OLFML2A: variants seen among roughly 807,000 people sequenced by gnomAD.
OLFML2A encodes olfactomedin-like protein 2A.
OLFML2A carries 47 observed loss-of-function variants against 60.9 expected under a neutral mutation model. That is an observed-to-expected ratio of 0.77 (90% CI 0.61 to 0.98). The LOEUF (loss-of-function observed/expected upper bound fraction) is 0.98. Among genes scored for constraint, OLFML2A ranks in the 50% least tolerant of loss-of-function variants. The probability of loss-of-function intolerance (pLI) is 0.00; values close to 1 mark genes in which losing one functional copy is unlikely to be tolerated. For missense variants in OLFML2A, 922 were observed against 879.8 expected (o/e 1.05, Z -0.61); for synonymous variants, 372 against 375.0 (o/e 0.99, Z 0.09).
At position 124,799,336 on chromosome 9, in the gene OLFML2A, C is replaced by G. The variant is rs533587628; in HGVS notation, c.514C>G (p.Arg172Gly). ...RENEVVKDSV[R>G]HLSEQLRHYE... ...GAATGAGGTGGTGAAGGACAGCGTG[C>G]GCCACCTCAGTGAGCAGTTGAGGCA... The change falls in exon 4 of 8, where the codon CGC becomes GGC. Residue 172 changes from arginine (R) to glycine (G), a missense_variant. Transcript: ENST00000373580. 4.8e-5 allele frequency: 78 copies of G among 1,613,410 alleles called. No individual in the cohort carries two copies. In the African/African-American group the frequency reaches 5.3e-4, roughly 11 times the overall value.
intron 2 of OLFML2A, among the ~76,000 whole-genome samples, chr9:124,791,043 C>T (rs963138809): frequency 8.5e-5 from 13 of 152,286 alleles, no homozygotes; most frequent in Non-Finnish European, 1.6e-4. Context: ...CCTTTTTCTT[C>T]TTGATGGGAC....
rs779501471 is a variant in OLFML2A, at chr9:124,810,623, CACTT to C, written c.*214_*217del. The C allele has an allele frequency of 2.7e-5, 16 of 590,948 alleles. No homozygotes were observed. Among genetic ancestry groups the C allele is most frequent in the Admixed American group, 6.1e-5 (2 of 32,850 alleles). The allele number at this position is 590,948 out of a possible 1,614,324, so 36.6% of individuals were successfully genotyped here. A position where few individuals can be genotyped will look rare whatever the true frequency, so the allele number is the denominator to read the frequency against. On this transcript the variant is annotated 3_prime_UTR_variant, in exon 8 of 8. Transcript: ENST00000373580. ...AGCACCGTGCCAAGCACTTCCCACACACTTACCCGTTTGATTCTCCTAGCACCTC... is the reference window on the plus strand; with the variant it reads ...AGCACCGTGCCAAGCACTTCCCACACACCCGTTTGATTCTCCTAGCACCTC...
rs1030419555 is a variant in OLFML2A at position 124,777,839 on chromosome 9, C to T, written c.90+479C>T. The stretch of plus-strand genomic sequence containing the variant: ...ATGTTCTTGCCAGGGACCGGGTGCA[C>T]CCCCTGGAGGACTAGGTAGCTCCAG... On this transcript the variant is annotated intron_variant, in intron 1 of 7. Coordinates refer to ENST00000373580, the MANE Select transcript of OLFML2A (RefSeq NM_182487.4). This position sits in a 1 kb window ranked among gnomAD's most constrained non-coding sequence, Gnocchi z 6.2. Among the ~76,000 whole-genome samples the T allele has an allele frequency of 3.3e-5, 5 of 152,234 alleles. No homozygotes were observed. The South Asian group carries it at 8.3e-4, about 25-fold the overall frequency.
At position 124,779,555 on chromosome 9, in the gene OLFML2A, G is replaced by A. The variant is rs543436695; in HGVS notation, c.90+2195G>A. Among the ~76,000 whole-genome samples the A allele has an allele frequency of 1.3e-5, 2 of 151,970 alleles. No homozygotes were observed. Among genetic ancestry groups the A allele is most frequent in the African/African-American group, 4.8e-5 (2 of 41,362 alleles). ...GTTGTGTGTGTGTGTGGTGGGGGGG[G>A]GGTGTTTAGCTGTCCCAGGACAAGC... On this transcript the variant is annotated intron_variant, in intron 1 of 7. Coordinates refer to ENST00000373580, the MANE Select transcript of OLFML2A (RefSeq NM_182487.4). The surrounding 1 kb of genome is among the most constrained non-coding windows in gnomAD (Gnocchi z 4.1).
chr9:124,803,952 C>T (rs909559941), intron 5 of OLFML2A, 142 bp from the exon 6 acceptor site: 34 of 863,832 alleles, frequency 3.9e-5, no homozygotes, highest in African/African-American at 6.8e-5. Flanking sequence ...CTTTCACCCC[C>T]CTCCAGGTGT....
In OLFML2A at chr9:124,801,479, CAG is replaced by C; in HGVS notation, c.738_739del (p.Gly247ProfsTer92). The C allele has an allele frequency of 6.2e-7, 1 of 1,614,032 alleles. No homozygotes were observed. Among genetic ancestry groups the C allele is most frequent in the Non-Finnish European group, 8.5e-7 (1 of 1,179,972 alleles). ...GCAGTGTGCAGAAAAGCTTTGCAGA[CAG>C]AGGCCTCCCAAAACCTCCCAAGGAG... Reference protein sequence around the residue: ...YGSVQKSFADRGLPKPPKEKL... With the variant: ...YGSVQKSFADXGLPKPPKEKL... On this transcript the variant is annotated frameshift_variant, in exon 5 of 8. Coordinates refer to ENST00000373580, the MANE Select transcript of OLFML2A (RefSeq NM_182487.4). LOFTEE classifies it high-confidence loss of function.
chr9:124,809,589 A>T (rs1442190883), intron 7 of OLFML2A, among the ~76,000 whole-genome samples: 1 of 150,402 alleles, frequency 6.6e-6, no homozygotes, highest in Non-Finnish European at 1.5e-5. Flanking sequence ...GGCGACCTTG[A>T]TCCTCTGAGC....
chr9:124,783,082 T>C (rs1428762459), intron 1 of OLFML2A, among the ~76,000 whole-genome samples: 1 of 144,870 alleles, frequency 6.9e-6, no homozygotes, highest in African/African-American at 2.6e-5. Flanking sequence ...AGAGTTACAC[T>C]TCACCCACCG....
intron 2 of OLFML2A, among the ~76,000 whole-genome samples, chr9:124,788,038 C>T (rs112256791): frequency 2.0e-5 from 3 of 151,924 alleles, no homozygotes; most frequent in African/African-American, 7.2e-5. Context: ...TGGTGGCTCA[C>T]GCGTGTAATC....
intron 3 of OLFML2A, among the ~76,000 whole-genome samples, chr9:124,798,972 C>T (rs1182663946): frequency 2.6e-5 from 4 of 152,274 alleles, no homozygotes; most frequent in Non-Finnish European, 4.4e-5. Context: ...ATACAAGGAA[C>T]CTATAATAAC....
In OLFML2A at chr9:124,809,794, G is replaced by A. The variant is rs548963510; in HGVS notation, c.1355-14G>A. 47 of 1,580,490 alleles carry A rather than the reference G, an allele frequency of 3.0e-5. No individual in the cohort carries two copies. Among genetic ancestry groups the A allele is most frequent in the African/African-American group, 5.4e-5 (4 of 74,482 alleles). On this transcript the variant is annotated splice_polypyrimidine_tract_variant and intron_variant, in intron 7 of 7. Coordinates refer to ENST00000373580, the MANE Select transcript of OLFML2A (RefSeq NM_182487.4). ...GCTCGGGAGGTCTGGGGTGACCATC[G>A]CCCTCGCCTGCAGGCCGCTGGAGTA...
rs1173199006 is a variant in OLFML2A at position 124,791,756 on chromosome 9, A to AG, written c.355-3268_355-3267insG. 6.6e-5 allele frequency among the ~76,000 whole-genome samples: 10 copies of AG among 151,122 alleles called. No homozygotes were observed. In the East Asian group the frequency reaches 1.7e-3, roughly 26 times the overall value. ...CTGTCTCAAAAAAAAAAAAAAAAAA[A>AG]AAAGAAAGAAATGAAACAAAGCCAG... On this transcript the variant is annotated intron_variant, in intron 2 of 7. Coordinates refer to ENST00000373580, the MANE Select transcript of OLFML2A (RefSeq NM_182487.4).
chr9:124,781,909 A>C (rs1261646020), intron 1 of OLFML2A, among the ~76,000 whole-genome samples: 1 of 152,200 alleles, frequency 6.6e-6, no homozygotes, highest in East Asian at 1.9e-4. Flanking sequence ...AAAAATCTCA[A>C]ATACACCTTC....
At chr9:124,793,270 C>G (rs1008430794) in intron 2 of OLFML2A, among the ~76,000 whole-genome samples, 1 of 152,206 alleles carries the variant, frequency 6.6e-6, no homozygotes, top group Non-Finnish European at 1.5e-5. Context: ...CTCCCTGACA[C>G]TCTGGCATTT....
Position 124,801,396 on chromosome 9 carries a change from A to G in OLFML2A, c.670-18A>G. The G allele has an allele frequency of 1.2e-6, 2 of 1,612,736 alleles. No individual in the cohort carries two copies. Among genetic ancestry groups the G allele is most frequent in the Non-Finnish European group, 1.7e-6 (2 of 1,179,058 alleles). On this transcript the variant is annotated intron_variant, in intron 4 of 7. Coordinates refer to ENST00000373580, the MANE Select transcript of OLFML2A (RefSeq NM_182487.4). ...TCTTCTACTGTCCTTCAAGTCTGAG[A>G]CTTCTCTTCCCTCCCAGGACACAGC... is the stretch of plus-strand genomic sequence containing the variant.
intron 2 of OLFML2A, among the ~76,000 whole-genome samples, chr9:124,791,980 C>CT (rs1009437814): frequency 6.6e-6 from 1 of 152,180 alleles, no homozygotes; most frequent in Non-Finnish European, 1.5e-5. Context: ...CACCATCCTT[C>CT]TCCTCTCCTC....
chr9:124,782,514 T>C (rs1841379942), intron 1 of OLFML2A, among the ~76,000 whole-genome samples: 2 of 152,202 alleles, frequency 1.3e-5, no homozygotes, highest in Non-Finnish European at 2.9e-5. Flanking sequence ...CTTCCCATTT[T>C]ACAGAGGAGG....
In OLFML2A at chr9:124,799,311, G is replaced by T. The variant is rs1236948037; in HGVS notation, c.489G>T (p.Glu163Asp). The change falls in exon 4 of 8, where the codon GAG becomes GAT. Residue 163 changes from glutamate to aspartate, a missense_variant. Coordinates refer to ENST00000373580, the MANE Select transcript of OLFML2A (RefSeq NM_182487.4). ...GCATCAAGGCCAACCTGAGCCGGGA[G>T]AATGAGGTGGTGAAGGACAGCGTGC... ...EESIKANLSR[E>D]NEVVKDSVRH... The T allele has an allele frequency of 6.8e-6, 11 of 1,612,234 alleles. No individual in the cohort carries two copies. Among genetic ancestry groups the T allele is most frequent in the East Asian group, 2.2e-5 (1 of 44,822 alleles).
chr9:124,789,437 G>A lies in OLFML2A; in HGVS notation c.354+2199G>A, dbSNP rs1841534691. The stretch of plus-strand genomic sequence containing the variant: ...ATTACAGCAATTGCCAAGTTTCCCC[G>A]GCTCCAATTGCCATGGGCTAATGCA... On this transcript the variant is annotated intron_variant, in intron 2 of 7. Coordinates refer to ENST00000373580, the MANE Select transcript of OLFML2A (RefSeq NM_182487.4). Among the ~76,000 whole-genome samples the A allele has an allele frequency of 3.3e-5, 5 of 152,136 alleles. No homozygotes were observed. The South Asian group carries it at 1.0e-3, about 31-fold the overall frequency.
Sources: gnomAD v4.1 joint callset for allele counts (sites outside exome capture counted in the v4.1 genomes callset) on GRCh38, gnomAD v4.1.1 for gene constraint, Gnocchi (gnomAD v3.1) non-coding constraint, MANE v1.5 for transcripts, NCBI Gene and HGNC (gene_info 2026-07-23, HGNC 2026-07-21) for gene names.